The following RIT2 variants were observed in gnomAD, a reference collection of about 807,000 sequenced individuals.
The protein encoded by RIT2 is Ras like without CAAX 2.
RIT2 carries 24 observed loss-of-function variants against 23.7 expected under a neutral mutation model. The observed-to-expected ratio is 1.01, with a 90% CI of 0.73 to 1.43. RIT2 has a LOEUF of 1.43. Among genes scored for constraint, RIT2 ranks in the 40% most tolerant of loss-of-function variants. The pLI is 0.00. For missense variants in RIT2, 236 were observed against 266.9 expected, an observed-to-expected ratio of 0.88 and a Z score of 0.81; for synonymous variants, 107 against 91.1, an observed-to-expected ratio of 1.17 and a Z score of -0.99.
intron 1 of RIT2, among the ~76,000 whole-genome samples, chr18:43,094,634 T>C (rs867413630): frequency 3.9e-5 from 6 of 152,150 alleles, no homozygotes; most frequent in East Asian, 1.9e-4. Context: ...GTAGATATTA[T>C]GGAATGATAT....
intron 4 of RIT2, among the ~76,000 whole-genome samples, chr18:42,773,980 G>C (rs1261805572): frequency 6.6e-6 from 1 of 152,088 alleles, no homozygotes; most frequent in Non-Finnish European, 1.5e-5. Flanking sequence ...ACACAAAAAG[G>C]TTTGTTGAAA....
At chr18:42,856,827 CTTTT>C (rs756725926) in intron 4 of RIT2, among the ~76,000 whole-genome samples, 8 of 114,652 alleles carry the variant, frequency 7.0e-5, no homozygotes, top group African/African-American at 2.7e-4. Context: ...CTCTCTCTCT[CTTTT>C]TTTTTTTTTT....
chr18:42,921,735 C>T (rs1909060564), intron 4 of RIT2, among the ~76,000 whole-genome samples: 1 of 152,042 alleles, frequency 6.6e-6, no homozygotes, highest in Non-Finnish European at 1.5e-5. Context: ...GAAACCCTGT[C>T]AGAGGTTTTT....
chr18:42,959,004 C>G (rs1910038831), intron 3 of RIT2, among the ~76,000 whole-genome samples: 1 of 152,156 alleles, frequency 6.6e-6, no homozygotes, highest in Non-Finnish European at 1.5e-5. Context: ...TTAAAGCCTT[C>G]ATTGACCTTA....
At chr18:42,919,675 C>T (rs1040882834) in intron 4 of RIT2, among the ~76,000 whole-genome samples, 7 of 151,900 alleles carry the variant, frequency 4.6e-5, no homozygotes, top group African/African-American at 7.3e-5. Context: ...GATTGTACCA[C>T]TGCACTCCAG....
intron 4 of RIT2, among the ~76,000 whole-genome samples, chr18:42,794,639 T>C (rs1914115490): frequency 2.0e-5 from 3 of 152,328 alleles, no homozygotes; most frequent in African/African-American, 4.8e-5. Context: ...TAAAAAAATA[T>C]TTCACATGGA....
At chr18:42,832,116 A>C (rs1420427684) in intron 4 of RIT2, among the ~76,000 whole-genome samples, 3 of 152,182 alleles carry the variant, frequency 2.0e-5, no homozygotes, top group African/African-American at 7.2e-5. Context: ...CAGAGGAAAA[A>C]TTTTACAAAA....
chr18:43,015,284 C>G (rs1911447857), intron 2 of RIT2, among the ~76,000 whole-genome samples: 1 of 151,516 alleles, frequency 6.6e-6, no homozygotes, highest in South Asian at 2.1e-4. Context: ...TAAAAAGAGT[C>G]AAGGATGACC....
intron 1 of RIT2, among the ~76,000 whole-genome samples, chr18:43,094,080 TC>T: frequency 6.7e-6 from 1 of 149,892 alleles, no homozygotes; most frequent in African/African-American, 2.4e-5. Context: ...TATGCAAAAA[TC>T]CATGAAGAAC....
intron 3 of RIT2, among the ~76,000 whole-genome samples, chr18:42,946,071 C>T (rs2144165585): frequency 6.6e-6 from 1 of 152,116 alleles, no homozygotes. Context: ...TGGCTGTATG[C>T]TATCTTTTAA....
intron 4 of RIT2, among the ~76,000 whole-genome samples, chr18:42,849,999 T>G (rs1907007685): frequency 6.6e-6 from 1 of 152,036 alleles, no homozygotes; most frequent in Admixed American, 6.6e-5. Flanking sequence ...ATTCTGACAC[T>G]AAGGTCCAAA....
intron 3 of RIT2, among the ~76,000 whole-genome samples, chr18:42,955,595 T>C (rs1192951875): frequency 2.0e-5 from 3 of 152,218 alleles, no homozygotes; most frequent in Non-Finnish European, 2.9e-5. Context: ...GAGGCTAAGA[T>C]CTTATTCTCT....
intron 4 of RIT2, among the ~76,000 whole-genome samples, chr18:42,858,014 C>G (rs561343956): frequency 6.6e-6 from 1 of 152,218 alleles, no homozygotes; most frequent in East Asian, 1.9e-4. Flanking sequence ...AACCCTGTCT[C>G]TACTAAAAAT....
chr18:42,852,525 C>G (rs879240766), intron 4 of RIT2, among the ~76,000 whole-genome samples: 1 of 152,110 alleles, frequency 6.6e-6, no homozygotes, highest in Admixed American at 6.6e-5. Flanking sequence ...TCCTCACTTT[C>G]ACCATTTATT....
rs143687623 is a variant in RIT2, at chr18:43,108,712, T to C, written c.103+6705A>G. ...CCTGAATTCTGTTTTCAATCATTAT[T>C]TGAGTGAGTAGATACCAATTTACTC... On this transcript the variant is annotated intron_variant, in intron 1 of 4. Transcript: ENST00000326695. 2.6e-3 allele frequency among the ~76,000 whole-genome samples: 402 copies of C among 152,302 alleles called. 2 individuals are homozygous for C. Among genetic ancestry groups the C allele is most frequent in the African/African-American group, 9.3e-3 (386 of 41,570 alleles).
intron 1 of RIT2, among the ~76,000 whole-genome samples, chr18:43,071,994 T>C (rs937486827): frequency 3.9e-5 from 6 of 151,976 alleles, no homozygotes; most frequent in African/African-American, 1.2e-4. Context: ...GTTGTTGTTG[T>C]TTTGTTTTTG....
At chr18:42,758,034 T>C (rs1385341270) in intron 4 of RIT2, among the ~76,000 whole-genome samples, 2 of 152,060 alleles carry the variant, frequency 1.3e-5, no homozygotes, top group East Asian at 1.9e-4. Context: ...TCCTGCAGTA[T>C]TAGTTGTCCC....
At position 42,743,538 on chromosome 18, in the gene RIT2, C is replaced by A. The variant is rs531935933; in HGVS notation, c.609G>T (p.Lys203Asn). Residue 203 changes from lysine (K) to asparagine (N), a missense_variant, in exon 5 of 5, where the codon AAG becomes AAT. Coordinates refer to ENST00000326695, the MANE Select transcript of RIT2 (RefSeq NM_002930.4). ...TCTTCTTCAAAGAACCTTTGAGCTT[C>A]TTCCACAGGCTGTCTTTTCTCTTCA... ...KKLKRKDSLW[K>N]KLKGSLKKKR... The A allele has an allele frequency of 1.1e-5, 17 of 1,614,050 alleles. No individual in the cohort carries two copies. The highest frequency in any genetic ancestry group is 8.3e-5 in the Admixed American group (5 of 60,018).
intron 4 of RIT2, among the ~76,000 whole-genome samples, chr18:42,859,979 T>A (rs1039572390): frequency 2.0e-5 from 3 of 148,994 alleles, no homozygotes; most frequent in East Asian, 3.9e-4. Context: ...TTCCTTGATT[T>A]AAAAAAAAAA....
Sources: gnomAD v4.1 joint callset for allele counts (sites outside exome capture counted in the v4.1 genomes callset) on GRCh38, gnomAD v4.1.1 for gene constraint, MANE v1.5 for transcripts, NCBI Gene and HGNC (gene_info 2026-07-23, HGNC 2026-07-21) for gene names.